The following EEPD1 variants were observed in gnomAD, a reference collection of about 807,000 sequenced individuals.
EEPD1 encodes endonuclease/exonuclease/phosphatase family domain containing 1, also known as endonuclease/exonuclease/phosphatase family domain-containing protein 1.
In EEPD1, 17 loss-of-function variants were observed where a neutral mutation model predicts 46.3. The observed-to-expected ratio is 0.37, with a 90% CI of 0.25 to 0.55. The LOEUF is 0.55. Among genes scored for constraint, EEPD1 ranks in the 20% least tolerant of loss-of-function variants. The probability of loss-of-function intolerance (pLI) is 0.83; values close to 1 mark genes in which losing one functional copy is unlikely to be tolerated. For missense variants in EEPD1, 673 were observed against 745.6 expected, an observed-to-expected ratio of 0.90 and a Z score of 1.13; for synonymous variants, 313 against 315.6, an observed-to-expected ratio of 0.99 and a Z score of 0.09.
At chr7:36,249,030 C>CACAT (rs1786689455) in intron 3 of EEPD1, among the ~76,000 whole-genome samples, 1 of 151,644 alleles carries the variant, frequency 6.6e-6, no homozygotes, top group African/African-American at 2.4e-5. Context: ...CACACACACA[C>CACAT]ACACATTTTC....
rs937687274 is a variant in EEPD1, at chr7:36,279,536, C to T, written c.931-1579C>T. Among the ~76,000 whole-genome samples, 31 of 152,210 alleles carry T rather than the reference C, an allele frequency of 2.0e-4. 1 individual carries two copies. Among genetic ancestry groups the T allele is most frequent in the Non-Finnish European group, 1.9e-4 (13 of 68,036 alleles). On this transcript the variant is annotated intron_variant, in intron 3 of 7. Transcript: ENST00000242108. Reference sequence around the variant, plus strand: ...ACCAGACCTTTAGACCCTGGCCTCTCCCAACCATTGTATGTGGGCTGCCCA... The same window carrying T: ...ACCAGACCTTTAGACCCTGGCCTCTTCCAACCATTGTATGTGGGCTGCCCA...
intron 2 of EEPD1, among the ~76,000 whole-genome samples, chr7:36,185,155 C>G (rs1785343635): frequency 6.6e-6 from 1 of 152,244 alleles, no homozygotes; most frequent in Non-Finnish European, 1.5e-5. Context: ...TTTGTGTTCC[C>G]CATTCCATTG....
At chr7:36,206,932 C>A (rs1785830688) in intron 2 of EEPD1, among the ~76,000 whole-genome samples, 1 of 152,120 alleles carries the variant, frequency 6.6e-6, no homozygotes, top group African/African-American at 2.4e-5. Flanking sequence ...ACCTGTAATC[C>A]CAGCTATTCG....
At chr7:36,252,264 C>T (rs973214122) in intron 3 of EEPD1, among the ~76,000 whole-genome samples, 4 of 152,182 alleles carry the variant, frequency 2.6e-5, no homozygotes, top group African/African-American at 7.2e-5. Context: ...TTTGGGGGCG[C>T]AGTTGCCTTT....
intron 2 of EEPD1, among the ~76,000 whole-genome samples, chr7:36,212,754 T>G (rs1179741257): frequency 2.0e-5 from 3 of 151,984 alleles, no homozygotes; most frequent in Non-Finnish European, 4.4e-5. Context: ...TGTAGGAATA[T>G]ACCAGTATGT....
intron 5 of EEPD1, among the ~76,000 whole-genome samples, chr7:36,285,663 G>GT (rs921563143): frequency 7.9e-5 from 12 of 152,172 alleles, no homozygotes; most frequent in African/African-American, 2.9e-4. Flanking sequence ...AGCAGGTCCG[G>GT]TGCCTTGGAG....
Position 36,197,910 on chromosome 7 carries a change from T to TA in EEPD1, c.879-41066dup, listed in dbSNP as rs1054391260. Reference sequence around the variant, plus strand: ...ATCAATAAAAAAAAAAATAAAAAAATAAAAAAAAATATGGAAAATTCAACA... The same window carrying TA: ...ATCAATAAAAAAAAAAATAAAAAAATAAAAAAAAAATATGGAAAATTCAACA... On this transcript the variant is annotated intron_variant, in intron 2 of 7. Transcript: ENST00000242108. Among the ~76,000 whole-genome samples the TA allele has an allele frequency of 1.7e-4, 25 of 149,954 alleles. 1 individual carries two copies. Among genetic ancestry groups the TA allele is most frequent in the Middle Eastern group, 3.4e-3 (1 of 292 alleles).
intron 3 of EEPD1, among the ~76,000 whole-genome samples, chr7:36,280,090 C>T (rs1333444835): frequency 6.6e-6 from 1 of 152,144 alleles, no homozygotes; most frequent in Non-Finnish European, 1.5e-5. Context: ...GTGCTTTGGA[C>T]CAAGATGGGC....
At position 36,154,207 on chromosome 7, in the gene EEPD1, T is replaced by C. The variant is rs1784774131; in HGVS notation, c.-118T>C. The C allele has an allele frequency of 7.7e-7, 1 of 1,291,108 alleles. No individual in the cohort carries two copies. Among genetic ancestry groups the C allele is most frequent in the Non-Finnish European group, 1.0e-6 (1 of 965,680 alleles). 80.0% of individuals were successfully genotyped at this position (1,291,108 alleles called of 1,614,324 possible). On this transcript the variant is annotated 5_prime_UTR_variant, in exon 2 of 8. Transcript: ENST00000242108. The surrounding 1 kb of genome is among the most constrained non-coding windows in gnomAD (Gnocchi z 4.2). ...TGTTTGTCTATAGTAACCTCTTCAG[T>C]CCCTGAATCCTGCACCTTCCGTTTT...
chr7:36,244,626 C>T (rs1331515977), intron 3 of EEPD1, among the ~76,000 whole-genome samples: 5 of 152,158 alleles, frequency 3.3e-5, no homozygotes, highest in African/African-American at 9.7e-5. Context: ...GCCGAGTTCT[C>T]CTCCCGGTGT....
At chr7:36,224,475 A>G (rs1363704641) in intron 2 of EEPD1, among the ~76,000 whole-genome samples, 3 of 152,242 alleles carry the variant, frequency 2.0e-5, no homozygotes, top group South Asian at 4.1e-4. Flanking sequence ...AGAACAAGGT[A>G]AAAGCAAGAG....
At chr7:36,162,972 T>A (rs1234614880) in intron 2 of EEPD1, among the ~76,000 whole-genome samples, 1 of 152,234 alleles carries the variant, frequency 6.6e-6, no homozygotes, top group Non-Finnish European at 1.5e-5. Flanking sequence ...GTACTTTGTC[T>A]TTTTCAGCTT....
intron 6 of EEPD1, among the ~76,000 whole-genome samples, chr7:36,292,536 G>A (rs1167090319): frequency 6.8e-6 from 1 of 148,122 alleles, no homozygotes; most frequent in Non-Finnish European, 1.5e-5. Context: ...CTTTGACAGA[G>A]TCTCACTCTA....
intron 2 of EEPD1, among the ~76,000 whole-genome samples, chr7:36,175,838 A>G (rs1027243608): frequency 6.6e-6 from 1 of 152,098 alleles, no homozygotes; most frequent in Non-Finnish European, 1.5e-5. Context: ...GGACCTGACA[A>G]ATTTTCCTTG....
intron 6 of EEPD1, among the ~76,000 whole-genome samples, chr7:36,288,494 C>T (rs573020783): frequency 6.6e-6 from 1 of 152,306 alleles, no homozygotes; most frequent in Non-Finnish European, 1.5e-5. Flanking sequence ...GGCACGGTAG[C>T]TCATGCCTGT....
chr7:36,229,990 A>G (rs1326752192), intron 2 of EEPD1, among the ~76,000 whole-genome samples: 4 of 151,830 alleles, frequency 2.6e-5, no homozygotes, highest in African/African-American at 9.7e-5. Context: ...CTCCACTCAA[A>G]GGTCCCAAAG....
Position 36,249,034 on chromosome 7 carries a change from C to CACACACACACACACAT in EEPD1, c.930+9999_930+10000insCACACACACACACATA, listed in dbSNP as rs3221650. Among the ~76,000 whole-genome samples the CACACACACACACACAT allele has an allele frequency of 6.6e-5, 10 of 151,664 alleles. No individual in the cohort carries two copies. In the Middle Eastern group the frequency reaches 0.014, roughly 208 times the overall value. ...ACACACACACACACACACACACACA[C>CACACACACACACACAT]ATTTTCTCCTTATTCTTTGAAAATC... On this transcript the variant is annotated intron_variant, in intron 3 of 7. Coordinates refer to ENST00000242108, the MANE Select transcript of EEPD1 (RefSeq NM_030636.3).
At chr7:36,255,186 G>C (rs1339553122) in intron 3 of EEPD1, among the ~76,000 whole-genome samples, 1 of 152,084 alleles carries the variant, frequency 6.6e-6, no homozygotes, top group Non-Finnish European at 1.5e-5. Flanking sequence ...CATTGCTTTT[G>C]GTGTTTTAGA....
At chr7:36,253,926 A>G (rs185263254) in intron 3 of EEPD1, among the ~76,000 whole-genome samples, 1 of 152,128 alleles carries the variant, frequency 6.6e-6, no homozygotes, top group African/African-American at 2.4e-5. Context: ...TTCACATTTA[A>G]TGCTATTATT....
Sources: allele counts gnomAD v4.1 joint callset (sites outside exome capture counted in the v4.1 genomes callset), GRCh38; gene constraint gnomAD v4.1.1; non-coding constraint Gnocchi (gnomAD v3.1); transcripts MANE v1.5; gene names NCBI Gene and HGNC (gene_info 2026-07-23, HGNC 2026-07-21).